The following SYNE2 variants were observed in gnomAD, a reference collection of about 807,000 sequenced individuals.
SYNE2 encodes the protein spectrin repeat containing nuclear envelope protein 2.
A neutral mutation model predicts 856.3 loss-of-function variants in SYNE2; 431 were observed. That is an observed-to-expected ratio of 0.50 (90% CI 0.47 to 0.55). The LOEUF (loss-of-function observed/expected upper bound fraction) is 0.55, where lower values mean the gene tolerates loss of function less well. SYNE2 is among the 20% of genes least tolerant of loss of function. The pLI, the probability that SYNE2 is intolerant of heterozygous loss-of-function variation, is 0.00. For missense variants in SYNE2, 8,129 were observed against 8,023.2 expected (o/e 1.01, Z -0.50); for synonymous variants, 2,923 against 2,872.3 (o/e 1.02, Z -0.56).
At chr14:63,929,813 C>G (rs1410930264) in intron 2 of SYNE2, among the ~76,000 whole-genome samples, 5 of 150,984 alleles carry the variant, frequency 3.3e-5, no homozygotes, top group African/African-American at 4.9e-5. Context: ...AGATATTCGA[C>G]TGAAGGCATC....
intron 67 of SYNE2, 80 bp from the exon 68 acceptor site, chr14:64,120,847 G>A: frequency 2.1e-6 from 3 of 1,444,932 alleles, no homozygotes; most frequent in Non-Finnish European, 2.9e-6. Context: ...ATTTTTCTAT[G>A]TAGTCCCATT....
chr14:63,966,515 C>T (rs2096394053), intron 10 of SYNE2, among the ~76,000 whole-genome samples: 1 of 151,630 alleles, frequency 6.6e-6, no homozygotes, highest in African/African-American at 2.4e-5. Context: ...AGAGCCAGAT[C>T]CTGTCTCCAA....
At chr14:63,828,028 CAAA>C (rs71120298) in intron 1 of SYNE2, among the ~76,000 whole-genome samples, 8 of 98,384 alleles carry the variant, frequency 8.1e-5, no homozygotes, top group Non-Finnish European at 1.7e-4. Context: ...CTTCGTCTTT[CAAA>C]AAAAAAAAAA....
chr14:64,032,826 G>T lies in SYNE2; in HGVS notation c.7221+1469G>T, dbSNP rs138162224. Among the ~76,000 whole-genome samples the T allele has an allele frequency of 5.5e-4, 84 of 152,234 alleles. No homozygotes were observed. The East Asian group carries it at 0.016, about 29-fold the overall frequency. ...GAGGATTAAGAGATCAGTGAGTGAG[G>T]CTCTTGATGTTGTATGTGTAAAAGA... On this transcript the variant is annotated intron_variant, in intron 45 of 115. Transcript: ENST00000555002.
At position 64,053,526 on chromosome 14, in the gene SYNE2, A is replaced by G; in HGVS notation, c.9613A>G (p.Ser3205Gly). The change falls in exon 48 of 116, where the codon AGT (serine) becomes GGT (glycine). Residue 3205 changes from serine to glycine, a missense_variant. Ser to Gly is a moderately conservative substitution (Grantham distance 56). This residue lies in a region of SYNE2 where 5,410 missense variants were observed against 5,284.8 expected (regional missense o/e 1.02). Transcript: ENST00000555002. ...FQEQVWAEMC[S>G]IKAVTAIEKQ... ...GGAGCAAGTTTGGGCAGAAATGTGT[A>G]GTATTAAAGCTGTGACTGCTATTGA... is the stretch of plus-strand genomic sequence containing the variant. 1.2e-6 allele frequency: 2 copies of G among 1,614,274 alleles called. No individual in the cohort carries two copies. Among genetic ancestry groups the G allele is most frequent in the South Asian group, 2.2e-5 (2 of 91,084 alleles).
chr14:63,981,824 A>G (rs1249973575), intron 16 of SYNE2, among the ~76,000 whole-genome samples: 1 of 152,216 alleles, frequency 6.6e-6, no homozygotes, highest in African/African-American at 2.4e-5. Flanking sequence ...ATTAATAGAA[A>G]ATAGATTATT....
At chr14:64,017,898 C>T in intron 34 of SYNE2, 142 bp downstream of exon 34, 1 of 834,414 alleles carries the variant, frequency 1.2e-6, no homozygotes, top group Non-Finnish European at 1.9e-6. Context: ...GATCATTATT[C>T]AGTTGTTGAA....
intron 47 of SYNE2, among the ~76,000 whole-genome samples, chr14:64,050,449 A>G (rs1397487168): frequency 6.6e-6 from 1 of 152,244 alleles, no homozygotes; most frequent in Non-Finnish European, 1.5e-5. Flanking sequence ...AGAGTAATTT[A>G]TGAAACAATT....
intron 6 of SYNE2, among the ~76,000 whole-genome samples, chr14:63,946,403 G>C (rs1326174065): frequency 1.3e-5 from 2 of 151,722 alleles, no homozygotes; most frequent in Non-Finnish European, 2.9e-5. Context: ...ACTCTAGCCT[G>C]GGCAACAGAG....
At chr14:63,933,814 A>T (rs2095796076) in intron 2 of SYNE2, among the ~76,000 whole-genome samples, 1 of 152,208 alleles carries the variant, frequency 6.6e-6, no homozygotes, top group African/African-American at 2.4e-5. Context: ...CATTCTAAGA[A>T]GAGTTTTATT....
At chr14:63,794,586 T>C (rs1307709650) in intron 1 of SYNE2, among the ~76,000 whole-genome samples, 4 of 152,172 alleles carry the variant, frequency 2.6e-5, no homozygotes, top group African/African-American at 7.2e-5. Context: ...AACAATCAAC[T>C]ATAAAATGGA....
chr14:64,078,846 A>T (rs927373945), intron 55 of SYNE2, among the ~76,000 whole-genome samples: 11 of 152,262 alleles, frequency 7.2e-5, no homozygotes, highest in African/African-American at 2.6e-4. Flanking sequence ...CCAAGGTGGG[A>T]TGATCACTTG....
intron 90 of SYNE2, 81 bp from the exon 91 acceptor site, chr14:64,167,152 T>A: frequency 6.3e-7 from 1 of 1,587,958 alleles, no homozygotes; most frequent in South Asian, 1.1e-5. Flanking sequence ...TTTTCCTTTA[T>A]CTTTGAGGTA....
At chr14:64,168,251 G>A (rs1422500045) in intron 92 of SYNE2, among the ~76,000 whole-genome samples, 1 of 152,116 alleles carries the variant, frequency 6.6e-6, no homozygotes. Context: ...CTATAGGCAT[G>A]TGCCACTGCA....
At chr14:64,135,764 A>G (rs903689094) in intron 78 of SYNE2, among the ~76,000 whole-genome samples, 2 of 152,238 alleles carry the variant, frequency 1.3e-5, no homozygotes, top group African/African-American at 4.8e-5. Flanking sequence ...TGCCAGACTA[A>G]AGAAGACATA....
chr14:64,197,617 G>A (rs1256593160), intron 99 of SYNE2, among the ~76,000 whole-genome samples: 1 of 152,146 alleles, frequency 6.6e-6, no homozygotes, highest in East Asian at 1.9e-4. Context: ...TTTTAAATTA[G>A]GCATAGGAAT....
At chr14:63,977,109 A>G (rs1566955564) in intron 12 of SYNE2, among the ~76,000 whole-genome samples, 1 of 152,200 alleles carries the variant, frequency 6.6e-6, no homozygotes, top group Non-Finnish European at 1.5e-5. Flanking sequence ...TTGAGCCTAC[A>G]AAGGAATGGA....
At chr14:63,977,817 A>T in intron 12 of SYNE2, 88 bp from the exon 13 acceptor site, 1 of 933,136 alleles carries the variant, frequency 1.1e-6, no homozygotes, top group Non-Finnish European at 1.7e-6. Context: ...TTTTTTGAAA[A>T]AAGATGTAAT....
Position 63,977,939 on chromosome 14 carries a change from T to G in SYNE2, c.1328T>G (p.Ile443Ser). 1 of 1,614,002 alleles carries G rather than the reference T, an allele frequency of 6.2e-7. No individual in the cohort carries two copies. Among genetic ancestry groups the G allele is most frequent in the Non-Finnish European group, 8.5e-7 (1 of 1,179,902 alleles). Residue 443 changes from isoleucine (I) to serine (S), a missense_variant, in exon 13 of 116, where the codon ATT becomes AGT. Around this residue, in one of 3 missense-constraint regions of SYNE2, gnomAD observed 2,422 missense variants for 2,357.4 expected, o/e 1.03. Transcript: ENST00000555002. ...GATAGATTTGAGCATCATTCGAACA[T>G]TCTCCTTACCTTTGAAAATAAGGAT... Reference protein sequence around the residue: ...LMDRFEHHSNILLTFENKDEN... With the variant: ...LMDRFEHHSNSLLTFENKDEN...
Sources: allele counts gnomAD v4.1 joint callset (sites outside exome capture counted in the v4.1 genomes callset), GRCh38; gene constraint gnomAD v4.1.1; regional missense constraint gnomAD v4.1.1; transcripts MANE v1.5; gene names NCBI Gene and HGNC (gene_info 2026-07-23, HGNC 2026-07-21).